TMC1: variants seen among roughly 807,000 people sequenced by gnomAD.
TMC1 encodes transmembrane channel like 1.
In TMC1, 84 loss-of-function variants were observed where a neutral mutation model predicts 105.8. The ratio of observed to expected loss-of-function variants is 0.79; its 90% CI spans 0.67 to 0.95. The LOEUF (loss-of-function observed/expected upper bound fraction) is 0.95, where lower values mean the gene tolerates loss of function less well. TMC1 is among the 40% of genes least tolerant of loss of function. The probability of loss-of-function intolerance (pLI) is 0.00; values close to 1 mark genes in which losing one functional copy is unlikely to be tolerated. For synonymous variants in TMC1, 315 were observed against 311.5 expected (o/e 1.01, Z -0.12); for missense variants, 817 against 914.1 (o/e 0.89, Z 1.37).
chr9:72,823,314 G>T (rs1588102259), intron 20 of TMC1, among the ~76,000 whole-genome samples: 1 of 151,998 alleles, frequency 6.6e-6, no homozygotes, highest in African/African-American at 2.4e-5. Flanking sequence ...TGTACTAGTG[G>T]GTGCCTCATA....
Position 72,788,588 on chromosome 9 carries a change from G to T in TMC1, c.1029+105G>T. ...CAGTATCTTGACAATTTACATGAAA[G>T]ATTAACTCATGGTTTCTGCCTACCA... On this transcript the variant is annotated intron_variant, in intron 14 of 23. Coordinates refer to ENST00000297784, the MANE Select transcript of TMC1 (RefSeq NM_138691.3). 2.4e-6 allele frequency: 3 copies of T among 1,235,580 alleles called. No homozygotes were observed. The Admixed American group carries it at 5.5e-5, about 23-fold the overall frequency. The allele number at this position is 1,235,580 out of a possible 1,614,324, so 76.5% of individuals were successfully genotyped here.
intron 13 of TMC1, among the ~76,000 whole-genome samples, chr9:72,780,404 A>T (rs570018782): frequency 6.6e-6 from 1 of 152,334 alleles, no homozygotes; most frequent in Admixed American, 6.5e-5. Flanking sequence ...AAATCTTCAC[A>T]TATGAATATT....
chr9:72,719,224 G>T (rs1370366864), intron 8 of TMC1, among the ~76,000 whole-genome samples: 3 of 152,158 alleles, frequency 2.0e-5, no homozygotes, highest in African/African-American at 7.2e-5. Context: ...ACATTTGGTT[G>T]GAATCGTTAC....
chr9:72,632,534 T>G (rs966718304), intron 4 of TMC1, among the ~76,000 whole-genome samples: 1 of 152,068 alleles, frequency 6.6e-6, no homozygotes, highest in Non-Finnish European at 1.5e-5. Flanking sequence ...GTAATGGATA[T>G]AGAGGACAGA....
At chr9:72,769,180 C>A (rs945922192) in intron 12 of TMC1, among the ~76,000 whole-genome samples, 1 of 152,174 alleles carries the variant, frequency 6.6e-6, no homozygotes, top group African/African-American at 2.4e-5. Context: ...AATTACTTAA[C>A]CTCTCTAAGG....
At chr9:72,611,371 T>C (rs1234310290) in intron 2 of TMC1, among the ~76,000 whole-genome samples, 1 of 152,192 alleles carries the variant, frequency 6.6e-6, no homozygotes, top group Non-Finnish European at 1.5e-5. Context: ...AAAGGTATTT[T>C]GCTATAGAGA....
intron 8 of TMC1, among the ~76,000 whole-genome samples, chr9:72,730,767 A>G (rs752017793): frequency 5.3e-5 from 8 of 152,212 alleles, no homozygotes; most frequent in Non-Finnish European, 1.0e-4. Context: ...TCCTGCAACT[A>G]TACGATCCCA....
At chr9:72,592,145 C>T (rs1824650464) in intron 2 of TMC1, among the ~76,000 whole-genome samples, 1 of 152,146 alleles carries the variant, frequency 6.6e-6, no homozygotes, top group Non-Finnish European at 1.5e-5. Flanking sequence ...CTCCAGGACT[C>T]TTACAGTTTT....
chr9:72,529,551 ATG>A (rs961049574), intron 1 of TMC1, among the ~76,000 whole-genome samples: 3 of 152,126 alleles, frequency 2.0e-5, no homozygotes, highest in Non-Finnish European at 4.4e-5. Context: ...ATGTGTATAT[ATG>A]TGTGTGTGTT....
intron 2 of TMC1, among the ~76,000 whole-genome samples, chr9:72,598,041 A>ATGTGGTT (rs1824746882): frequency 6.6e-6 from 1 of 150,966 alleles, no homozygotes; most frequent in Admixed American, 6.6e-5. Flanking sequence ...GATAACACAG[A>ATGTGGTT]TGGGGGTTTA....
chr9:72,610,634 T>C (rs1825010218), intron 2 of TMC1, among the ~76,000 whole-genome samples: 1 of 152,188 alleles, frequency 6.6e-6, no homozygotes, highest in Non-Finnish European at 1.5e-5. Context: ...CTTTACCCAG[T>C]CTACTGATTT....
intron 8 of TMC1, among the ~76,000 whole-genome samples, chr9:72,706,703 T>C (rs1826745577): frequency 6.6e-6 from 1 of 152,226 alleles, no homozygotes; most frequent in South Asian, 2.1e-4. Context: ...ATTACTTCAC[T>C]TAGAATAATA....
chr9:72,623,812 G>A (rs1261814706), intron 3 of TMC1, among the ~76,000 whole-genome samples: 3 of 152,122 alleles, frequency 2.0e-5, no homozygotes, highest in African/African-American at 7.2e-5. Flanking sequence ...AGGGTATAGA[G>A]TAAATGATAA....
intron 1 of TMC1, among the ~76,000 whole-genome samples, chr9:72,566,846 A>T (rs1824164977): frequency 1.3e-5 from 2 of 151,826 alleles, no homozygotes; most frequent in African/African-American, 4.8e-5. Flanking sequence ...ATGGTCACAG[A>T]CTCCTATCTG....
intron 17 of TMC1, among the ~76,000 whole-genome samples, chr9:72,803,808 G>T (rs962530243): frequency 1.4e-4 from 22 of 152,216 alleles, no homozygotes; most frequent in African/African-American, 5.1e-4. Context: ...TTCAAACATT[G>T]TGGAAGACAG....
intron 8 of TMC1, among the ~76,000 whole-genome samples, chr9:72,708,520 C>G (rs1455942443): frequency 7.2e-6 from 1 of 139,436 alleles, no homozygotes; most frequent in Admixed American, 7.3e-5. Flanking sequence ...TTTTTTTTTT[C>G]CTGTGGCTAT....
chr9:72,737,532 T>C lies in TMC1; in HGVS notation c.363-2587T>C, dbSNP rs546009088. Among the ~76,000 whole-genome samples, 29 of 152,220 alleles carry C rather than the reference T, an allele frequency of 1.9e-4. 1 individual carries two copies. The highest frequency in any genetic ancestry group is 7.0e-4 in the African/African-American group (29 of 41,536). On this transcript the variant is annotated intron_variant, in intron 8 of 23. Transcript: ENST00000297784. ...GTGTGAGTCTGAGTCAGGTTTGCTT[T>C]CCTCTGAAAAATCAGACACTCATGT...
chr9:72,695,921 C>G (rs1220085718), intron 7 of TMC1, among the ~76,000 whole-genome samples: 2 of 151,742 alleles, frequency 1.3e-5, no homozygotes, highest in Non-Finnish European at 2.9e-5. Flanking sequence ...TGCTTTATTC[C>G]TTTCAAAAAT....
chr9:72,809,219 A>G (rs1422262487), intron 18 of TMC1, among the ~76,000 whole-genome samples: 1 of 152,214 alleles, frequency 6.6e-6, no homozygotes, highest in Non-Finnish European at 1.5e-5. Context: ...ATCTGAGTGC[A>G]AATATGAAGT....
Sources: allele counts gnomAD v4.1 joint callset (sites outside exome capture counted in the v4.1 genomes callset), GRCh38; gene constraint gnomAD v4.1.1; transcripts MANE v1.5; gene names NCBI Gene and HGNC (gene_info 2026-07-23, HGNC 2026-07-21).